The following TOPAZ1 variants were observed in gnomAD, a reference collection of about 807,000 sequenced individuals.
TOPAZ1 encodes testis and ovary specific TOPAZ 1.
In TOPAZ1, 66 loss-of-function variants were observed where a neutral mutation model predicts 172.2. That is an observed-to-expected ratio of 0.38 (90% CI 0.31 to 0.47). TOPAZ1 has a LOEUF of 0.47. Among genes scored for constraint, TOPAZ1 ranks in the 20% least tolerant of loss-of-function variants. The pLI, the probability that TOPAZ1 is intolerant of heterozygous loss-of-function variation, is 0.99. For synonymous variants in TOPAZ1, 681 were observed against 683.9 expected, an observed-to-expected ratio of 1.00 and a Z score of 0.07; for missense variants, 1,822 against 1,972.4, an observed-to-expected ratio of 0.92 and a Z score of 1.44.
At position 44,269,471 on chromosome 3, in the gene TOPAZ1, C is replaced by CTTTTTTTTTTTTTTTTT. The variant is rs71085612; in HGVS notation, c.3246+185_3246+201dup. Among the ~76,000 whole-genome samples the CTTTTTTTTTTTTTTTTT allele has an allele frequency of 7.8e-3, 263 of 33,932 alleles. 29 individuals are homozygous for CTTTTTTTTTTTTTTTTT. The highest frequency in any genetic ancestry group is 0.012 in the African/African-American group (75 of 6,122). The allele number at this position is 33,932 out of a possible 152,430, so 22.3% of individuals were successfully genotyped here. ...CCTTTTGATTGTATTTCCCTATCAT[C>CTTTTTTTTTTTTTTTTT]TTTTTTTTTTTTTTTTTTTTTTTTT... On this transcript the variant is annotated intron_variant, in intron 7 of 19. Coordinates refer to ENST00000309765, the MANE Select transcript of TOPAZ1 (RefSeq NM_001145030.2).
intron 19 of TOPAZ1, among the ~76,000 whole-genome samples, chr3:44,328,746 T>C (rs981177314): frequency 6.6e-6 from 1 of 152,166 alleles, no homozygotes; most frequent in Admixed American, 6.5e-5. Context: ...TAGAGATCAG[T>C]ACCTATAAAA....
intron 2 of TOPAZ1, among the ~76,000 whole-genome samples, chr3:44,250,481 AC>A (rs1370889735): frequency 6.6e-6 from 1 of 152,132 alleles, no homozygotes; most frequent in Non-Finnish European, 1.5e-5. Flanking sequence ...TGTGCTAGAT[AC>A]ATTACTTATT....
chr3:44,278,858 C>CT (rs982011635), intron 8 of TOPAZ1, among the ~76,000 whole-genome samples: 3 of 138,760 alleles, frequency 2.2e-5, no homozygotes, highest in Non-Finnish European at 3.1e-5. Context: ...GATCTTATTT[C>CT]TTTCCTTCTA....
chr3:44,243,475 G>A lies in TOPAZ1; in HGVS notation c.969G>A (p.Glu323=). ...QHEKNKYSIE[E]SSVGRKPRKR... is the part of the protein sequence containing the mutation. ...AAAAAAATAAATATTCAATAGAGGAGAGCAGTGTTGGGCGAAAACCCAGGA... is the reference window on the plus strand; with the variant it reads ...AAAAAAATAAATATTCAATAGAGGAAAGCAGTGTTGGGCGAAAACCCAGGA... Residue 323 remains glutamate (E), a synonymous_variant, in exon 2 of 20, where the codon GAG becomes GAA. Transcript: ENST00000309765. 1.3e-6 allele frequency: 2 copies of A among 1,551,656 alleles called. No individual in the cohort carries two copies. Among genetic ancestry groups the A allele is most frequent in the Non-Finnish European group, 1.7e-6 (2 of 1,146,962 alleles).
intron 12 of TOPAZ1, among the ~76,000 whole-genome samples, chr3:44,291,722 A>G (rs1390564491): frequency 6.6e-6 from 1 of 152,142 alleles, no homozygotes; most frequent in Non-Finnish European, 1.5e-5. Flanking sequence ...AAAGTATAAC[A>G]TACATAGAAA....
rs1363659789 is a variant in TOPAZ1 at position 44,287,743 on chromosome 3, C to G, written c.3589-4C>G. On this transcript the variant is annotated splice_polypyrimidine_tract_variant and splice_region_variant and intron_variant, in intron 10 of 19. Transcript: ENST00000309765. ...AATGAGTGTAATTTTTTTGTTTTAT[C>G]CAGCCTTCTCTGAAAATATTACTAA... is the stretch of plus-strand genomic sequence containing the variant. 7.0e-7 allele frequency: 1 copy of G among 1,433,642 alleles called. No individual in the cohort carries two copies. Among genetic ancestry groups the G allele is most frequent in the Admixed American group, 2.6e-5 (1 of 38,656 alleles). The allele number at this position is 1,433,642 out of a possible 1,614,324, so 88.8% of individuals were successfully genotyped here.
At position 44,244,449 on chromosome 3, in the gene TOPAZ1, GT is replaced by G; in HGVS notation, c.1944del (p.Gln649ArgfsTer23). ...KLNLTATSKD[G>X]QEANNSAGKT... ...AATTTGACAGCGACTTCCAAAGATG[GT>G]CAGGAAGCAAATAACTCTGCAGGCA... On this transcript the variant is annotated frameshift_variant, in exon 2 of 20. Transcript: ENST00000309765. LOFTEE classifies it high-confidence loss of function. 1 of 1,551,654 alleles carries G rather than the reference GT, an allele frequency of 6.4e-7. No individual in the cohort carries two copies. The highest frequency in any genetic ancestry group is 8.7e-7 in the Non-Finnish European group (1 of 1,146,964).
Position 44,245,244 on chromosome 3 carries a change from T to G in TOPAZ1, c.2738T>G (p.Val913Gly). ...GACTCCAAGTACATGGAAACTCCAGTAAAAAAAGAACCAAGTGATGACTTA... is the reference window on the plus strand; with the variant it reads ...GACTCCAAGTACATGGAAACTCCAGGAAAAAAAGAACCAAGTGATGACTTA... ...STDSKYMETP[V>G]KKEPSDDLRE... Residue 913 changes from valine (V) to glycine (G), a missense_variant, in exon 2 of 20, where the codon GTA becomes GGA. Physicochemically the swap from Val to Gly is moderately radical, Grantham distance 109 (BLOSUM62 -3). This residue lies in a region of TOPAZ1 where 1,489 missense variants were observed against 1,490.8 expected (regional missense o/e 1.00). Transcript: ENST00000309765. 1 of 1,538,868 alleles carries G rather than the reference T, an allele frequency of 6.5e-7. No homozygotes were observed.
intron 17 of TOPAZ1, among the ~76,000 whole-genome samples, chr3:44,321,833 A>T (rs1335338801): frequency 6.6e-6 from 1 of 152,184 alleles, no homozygotes; most frequent in Non-Finnish European, 1.5e-5. Context: ...ATACAAAGTG[A>T]GCTCAATCAG....
chr3:44,292,019 T>C (rs1411040849), intron 12 of TOPAZ1, among the ~76,000 whole-genome samples: 1 of 152,190 alleles, frequency 6.6e-6, no homozygotes, highest in Admixed American at 6.5e-5. Context: ...CTGACAGGTG[T>C]CAGCCTTAAC....
At chr3:44,248,876 C>A (rs1328973522) in intron 2 of TOPAZ1, among the ~76,000 whole-genome samples, 1 of 152,124 alleles carries the variant, frequency 6.6e-6, no homozygotes, top group Non-Finnish European at 1.5e-5. Flanking sequence ...TATTCTCAGA[C>A]CAGATTGGGG....
chr3:44,269,838 G>A (rs909430686), intron 7 of TOPAZ1, among the ~76,000 whole-genome samples: 14 of 152,008 alleles, frequency 9.2e-5, no homozygotes, highest in African/African-American at 3.4e-4. Flanking sequence ...CACCATGTTG[G>A]CCAGGCTGGT....
In TOPAZ1 at chr3:44,304,010, TA is replaced by T; in HGVS notation, c.3798-2del. Reference sequence around the variant, plus strand: ...AGTATAATTAACTCTTTTCTTTTGTTAAAGGTTACAGATGAGACGATTTAAA... The same window carrying T: ...AGTATAATTAACTCTTTTCTTTTGTTAAGGTTACAGATGAGACGATTTAAA... On this transcript the variant is annotated splice_polypyrimidine_tract_variant and splice_region_variant and intron_variant, in intron 12 of 19. Transcript: ENST00000309765. 1 of 1,522,610 alleles carries T rather than the reference TA, an allele frequency of 6.6e-7. No homozygotes were observed. The allele number at this position is 1,522,610 out of a possible 1,614,324, so 94.3% of individuals were successfully genotyped here. A position where few individuals can be genotyped will look rare whatever the true frequency, so the allele number is the denominator to read the frequency against.
chr3:44,281,254 A>C (rs1463588586), intron 8 of TOPAZ1, among the ~76,000 whole-genome samples: 3 of 152,154 alleles, frequency 2.0e-5, no homozygotes, highest in African/African-American at 7.2e-5. Context: ...GCATTCATCC[A>C]TTTGGCTCAC....
chr3:44,243,764 A>G lies in TOPAZ1; in HGVS notation c.1258A>G (p.Ile420Val), dbSNP rs1455325503. 8 of 1,551,682 alleles carry G rather than the reference A, an allele frequency of 5.2e-6. No individual in the cohort carries two copies. The highest frequency in any genetic ancestry group is 2.7e-5 in the African/African-American group (2 of 73,066). The change falls in exon 2 of 20, where the codon ATT becomes GTT. Residue 420 changes from isoleucine (I) to valine (V), a missense_variant. By Grantham distance (29) the Ile-to-Val change is conservative. This residue lies in a region of TOPAZ1 where 1,489 missense variants were observed against 1,490.8 expected (regional missense o/e 1.00). Coordinates refer to ENST00000309765, the MANE Select transcript of TOPAZ1 (RefSeq NM_001145030.2). ...HHVNAVFQKTIEPLLKEETEN... is the reference protein window; with the variant it reads ...HHVNAVFQKTVEPLLKEETEN... Reference sequence around the variant, plus strand: ...TGTAAATGCTGTGTTTCAGAAAACCATTGAACCACTTTTGAAAGAAGAAAC... The same window carrying G: ...TGTAAATGCTGTGTTTCAGAAAACCGTTGAACCACTTTTGAAAGAAGAAAC...
At chr3:44,269,567 C>T (rs754111787) in intron 7 of TOPAZ1, among the ~76,000 whole-genome samples, 16 of 125,140 alleles carry the variant, frequency 1.3e-4, no homozygotes, top group Non-Finnish European at 2.2e-4. Flanking sequence ...CTCACTGCCC[C>T]TTAAAAAAAA....
rs1559551731 is a variant in TOPAZ1 at position 44,331,804 on chromosome 3, C to T, written c.4872C>T (p.Asn1624=). 6.4e-7 allele frequency: 1 copy of T among 1,551,576 alleles called. No individual in the cohort carries two copies. Among genetic ancestry groups the T allele is most frequent in the Admixed American group, 2.0e-5 (1 of 50,992 alleles). Reference sequence around the variant, plus strand: ...GTTCATTTTATAGGTGTGAAGACAACCAGTCTCGGAGCAATGATGATTATC... The same window carrying T: ...GTTCATTTTATAGGTGTGAAGACAATCAGTCTCGGAGCAATGATGATTATC... ...LQIVLKRCED[N]QSRSNDDYQA... Residue 1624 remains asparagine, a synonymous_variant, in exon 20 of 20, where the codon AAC becomes AAT. Transcript: ENST00000309765.
chr3:44,276,647 T>TAAGAA (rs1699962547), intron 8 of TOPAZ1, among the ~76,000 whole-genome samples: 1 of 86,936 alleles, frequency 1.2e-5, no homozygotes, highest in East Asian at 3.7e-4. Context: ...TTTTTTTTTT[T>TAAGAA]TTTTTTCCAG....
chr3:44,272,915 T>A (rs966587057), intron 8 of TOPAZ1, among the ~76,000 whole-genome samples: 14 of 152,316 alleles, frequency 9.2e-5, no homozygotes, highest in African/African-American at 3.4e-4. Context: ...GTTATTTGAA[T>A]TCTTTATATA....
Sources: allele counts gnomAD v4.1 joint callset (sites outside exome capture counted in the v4.1 genomes callset), GRCh38; gene constraint gnomAD v4.1.1; regional missense constraint gnomAD v4.1.1; transcripts MANE v1.5; gene names NCBI Gene and HGNC (gene_info 2026-07-23, HGNC 2026-07-21).